The following UBAP2 variants were observed in gnomAD, a reference collection of about 807,000 sequenced individuals.
UBAP2 encodes the protein ubiquitin-associated protein 2.
UBAP2 carries 75 observed loss-of-function variants against 139.6 expected under a neutral mutation model. That is an observed-to-expected ratio of 0.54 (90% CI 0.45 to 0.65). UBAP2 has a LOEUF of 0.65. Ranked by LOEUF, UBAP2 falls within the 30% of genes least tolerant of loss-of-function variation. UBAP2 has a pLI of 0.00. For missense variants in UBAP2, 1,368 were observed against 1,369.6 expected (o/e 1.00, Z 0.02); for synonymous variants, 526 against 526.2 (o/e 1.00, Z 0.01).
chr9:33,939,190 T>G (rs1824864192), intron 16 of UBAP2, among the ~76,000 whole-genome samples: 1 of 1,504 alleles, frequency 6.6e-4, no homozygotes, highest in Admixed American at 0.015. Flanking sequence ...TTCCTATGTC[T>G]TTTTTTTTTT....
chr9:33,928,017 A>G lies in UBAP2; in HGVS notation c.2176-25T>C, dbSNP rs78981572. The G allele has an allele frequency of 2.4e-4, 376 of 1,595,412 alleles. No homozygotes were observed. The African/African-American group carries it at 4.5e-3, about 19-fold the overall frequency. On this transcript the variant is annotated intron_variant, in intron 19 of 28. Transcript: ENST00000379238. The stretch of plus-strand genomic sequence containing the variant: ...GCTGGCAAAAGAAAAGCCAGGACAC[A>G]TGGATCTGGAGGCAGAGGAGGAGGG...
chr9:33,932,264 G>A (rs1322632046), intron 19 of UBAP2, among the ~76,000 whole-genome samples: 1 of 150,246 alleles, frequency 6.7e-6, no homozygotes, highest in Non-Finnish European at 1.5e-5. Context: ...AAGAAGGCAC[G>A]AGGAAAGATC....
chr9:33,962,023 T>C (rs1478465468), intron 9 of UBAP2, among the ~76,000 whole-genome samples: 4 of 152,196 alleles, frequency 2.6e-5, no homozygotes, highest in African/African-American at 9.7e-5. Context: ...CATTTAATTC[T>C]GTCTGAGAAA....
chr9:34,041,047 T>C (rs1481373225), intron 1 of UBAP2, among the ~76,000 whole-genome samples: 4 of 152,150 alleles, frequency 2.6e-5, no homozygotes, highest in African/African-American at 2.4e-5. Flanking sequence ...AATGTCCACA[T>C]GAGGACAAGT....
At chr9:33,923,637 G>A (rs143694215) in intron 24 of UBAP2, among the ~76,000 whole-genome samples, 158 bp downstream of exon 24, 1 of 152,314 alleles carries the variant, frequency 6.6e-6, no homozygotes, top group Non-Finnish European at 1.5e-5. Context: ...ACACAGCAGG[G>A]GAAAAGTGAC....
At chr9:34,029,996 A>G (rs1446103131) in intron 1 of UBAP2, among the ~76,000 whole-genome samples, 2 of 148,824 alleles carry the variant, frequency 1.3e-5, no homozygotes, top group African/African-American at 2.5e-5. Context: ...CGAAAAAAAA[A>G]AAAAGAAAGA....
At chr9:33,995,524 A>T (rs936506299) in intron 4 of UBAP2, 13 of 96,392 alleles carry the variant, frequency 1.3e-4, no homozygotes, top group Admixed American at 4.5e-4. Context: ...TAAATATATA[A>T]ATATATTTAT....
At chr9:33,999,141 T>C (rs980081012) in intron 2 of UBAP2, among the ~76,000 whole-genome samples, 2 of 152,136 alleles carry the variant, frequency 1.3e-5, no homozygotes, top group Admixed American at 1.3e-4. Flanking sequence ...CTTCTTTCCC[T>C]TGGTAGAGTG....
chr9:33,935,633 T>C, intron 17 of UBAP2: 1 of 624,422 alleles, frequency 1.6e-6, no homozygotes, highest in East Asian at 2.8e-5. Context: ...CAGAAGAATA[T>C]GAGACCACCA....
intron 2 of UBAP2, among the ~76,000 whole-genome samples, chr9:34,011,426 A>G (rs1823741168): frequency 6.6e-6 from 1 of 152,208 alleles, no homozygotes; most frequent in Non-Finnish European, 1.5e-5. Context: ...GCCAATACAC[A>G]TAATAGTCAT....
At chr9:33,994,435 G>C (rs1421945403) in intron 4 of UBAP2, 1 of 149,820 alleles carries the variant, frequency 6.7e-6, no homozygotes, top group Non-Finnish European at 1.5e-5. Context: ...TGAACAATTT[G>C]GGTTATTTTG....
At position 33,935,821 on chromosome 9, in the gene UBAP2, G is replaced by A. The variant is rs1824458494; in HGVS notation, c.1969+18C>T. 1 of 1,613,988 alleles carries A rather than the reference G, an allele frequency of 6.2e-7. No homozygotes were observed. Among genetic ancestry groups the A allele is most frequent in the Non-Finnish European group, 8.5e-7 (1 of 1,179,980 alleles). On this transcript the variant is annotated intron_variant, in intron 17 of 28. Coordinates refer to ENST00000379238, the MANE Select transcript of UBAP2 (RefSeq NM_001370062.2). Reference sequence around the variant, plus strand: ...GTTGGCACCAGCCATGACAAGAGTAGCTTGCTGCTATACTTACTGTCTAGT... The same window carrying A: ...GTTGGCACCAGCCATGACAAGAGTAACTTGCTGCTATACTTACTGTCTAGT...
At chr9:33,970,276 A>G (rs1827818689) in intron 8 of UBAP2, among the ~76,000 whole-genome samples, 1 of 151,854 alleles carries the variant, frequency 6.6e-6, no homozygotes, top group African/African-American at 2.4e-5. Context: ...TGATGATCTC[A>G]TAAGAAGCTT....
At chr9:34,009,773 T>G (rs1361873861) in intron 2 of UBAP2, among the ~76,000 whole-genome samples, 7 of 151,320 alleles carry the variant, frequency 4.6e-5, no homozygotes, top group Non-Finnish European at 8.8e-5. Flanking sequence ...AAATATTCCA[T>G]GTAACAAATG....
intron 3 of UBAP2, chr9:33,996,586 C>T (rs1239194657): frequency 4.7e-6 from 2 of 423,666 alleles, no homozygotes; most frequent in African/African-American, 4.0e-5. Context: ...GATCATTAAT[C>T]AGCAGCACAC....
At chr9:33,971,615 T>C (rs369932465) in intron 8 of UBAP2, 36 bp downstream of exon 8, 3 of 1,210,950 alleles carry the variant, frequency 2.5e-6, no homozygotes, top group African/African-American at 3.0e-5. Flanking sequence ...AGCTCAAACA[T>C]TTAAAACTCA....
chr9:33,969,445 G>C (rs1283838183), intron 8 of UBAP2, among the ~76,000 whole-genome samples: 1 of 151,954 alleles, frequency 6.6e-6, no homozygotes, highest in Non-Finnish European at 1.5e-5. Context: ...GTAAGTACTA[G>C]GGAGATTAAG....
chr9:34,036,232 T>G (rs1826354799), intron 1 of UBAP2, among the ~76,000 whole-genome samples: 2 of 151,906 alleles, frequency 1.3e-5, no homozygotes, highest in African/African-American at 4.8e-5. Context: ...CTCCTCCTCC[T>G]CAGCCTCCCA....
At chr9:34,036,803 TCTC>T (rs1231267152) in intron 1 of UBAP2, among the ~76,000 whole-genome samples, 1 of 130,654 alleles carries the variant, frequency 7.7e-6, no homozygotes. Flanking sequence ...CTTAAGTTTT[TCTC>T]TTTTTTTTTT....
Sources: allele counts gnomAD v4.1 joint callset (sites outside exome capture counted in the v4.1 genomes callset), GRCh38; gene constraint gnomAD v4.1.1; transcripts MANE v1.5; gene names NCBI Gene and HGNC (gene_info 2026-07-23, HGNC 2026-07-21).